Variants in DENND1C observed in about 807,000 individuals in gnomAD.
DENND1C encodes DENN domain containing 1C.
DENND1C carries 64 observed loss-of-function variants against 87.9 expected under a neutral mutation model. The observed-to-expected ratio is 0.73, with a 90% CI of 0.60 to 0.90. DENND1C has a LOEUF of 0.90. Among genes scored for constraint, DENND1C ranks in the 40% least tolerant of loss-of-function variants. DENND1C has a pLI of 0.00. For missense variants in DENND1C, 980 were observed against 1,037.0 expected (o/e 0.95, Z 0.76); for synonymous variants, 384 against 424.4 (o/e 0.90, Z 1.17).
chr19:6,478,106 G>T (rs1039348707), intron 6 of DENND1C, among the ~76,000 whole-genome samples: 1 of 151,964 alleles, frequency 6.6e-6, no homozygotes, highest in Non-Finnish European at 1.5e-5. Flanking sequence ...ACAGGGTCTT[G>T]CTCTGTCCCC....
At chr19:6,474,729 C>T (rs1268268764) in intron 14 of DENND1C, among the ~76,000 whole-genome samples, 1 of 152,008 alleles carries the variant, frequency 6.6e-6, no homozygotes, top group Non-Finnish European at 1.5e-5. Flanking sequence ...AAAGTAAGCA[C>T]TCCATTAATG....
At chr19:6,470,236 T>C in intron 18 of DENND1C, 59 bp downstream of exon 18, 1 of 1,534,386 alleles carries the variant, frequency 6.5e-7, no homozygotes, top group Non-Finnish European at 8.9e-7. Context: ...GGTCAAAGTG[T>C]CCTCTGTCCC....
At chr19:6,469,918 T>C (rs1217041117) in intron 18 of DENND1C, 3 of 500,568 alleles carry the variant, frequency 6.0e-6, no homozygotes, top group African/African-American at 3.8e-5. Flanking sequence ...AAGAACAAAA[T>C]CGCACGGACA....
rs374565278 is a variant in DENND1C, at chr19:6,467,617, G to A, written c.2293C>T (p.Arg765Trp). ...LLAERAHLQPREEPGALNSPA... is the reference protein window; with the variant it reads ...LLAERAHLQPWEEPGALNSPA... ...GAATTCAGGGCTCCTGGTTCCTCCC[G>A]TGGCTGGAGGTGAGCGCGCTCTGCC... Residue 765 changes from arginine (R) to tryptophan (W), a missense_variant, in exon 23 of 23, where the codon CGG becomes TGG. By Grantham distance (101) the Arg-to-Trp change is moderately radical. Coordinates refer to ENST00000381480, the MANE Select transcript of DENND1C (RefSeq NM_024898.4). 6.1e-5 allele frequency: 96 copies of A among 1,568,576 alleles called. No homozygotes were observed. In the African/African-American group the frequency reaches 9.9e-4, roughly 16 times the overall value.
chr19:6,467,416 C>T lies in DENND1C; in HGVS notation c.*88G>A. 7.0e-7 allele frequency: 1 copy of T among 1,429,394 alleles called. No individual in the cohort carries two copies. Among genetic ancestry groups the T allele is most frequent in the Non-Finnish European group, 9.2e-7 (1 of 1,087,372 alleles). The allele number at this position is 1,429,394 out of a possible 1,614,324, so 88.5% of individuals were successfully genotyped here. ...TGGATTTCCGAGCAGAGTGAGGGCA[C>T]CAGAGAAATTCACCAGGAAAAAAAC... On this transcript the variant is annotated 3_prime_UTR_variant, in exon 23 of 23. Coordinates refer to ENST00000381480, the MANE Select transcript of DENND1C (RefSeq NM_024898.4).
At chr19:6,470,690 C>T (rs1284891204) in intron 17 of DENND1C, among the ~76,000 whole-genome samples, 8 of 141,942 alleles carry the variant, frequency 5.6e-5, no homozygotes, top group Non-Finnish European at 7.6e-5. Flanking sequence ...GGTGCCATCT[C>T]GGCTCACTGC....
In DENND1C at chr19:6,470,610, G is replaced by GTTTTT. The variant is rs1555747420; in HGVS notation, c.1291-249_1291-245dup. On this transcript the variant is annotated intron_variant, in intron 17 of 22. Coordinates refer to ENST00000381480, the MANE Select transcript of DENND1C (RefSeq NM_024898.4). ...TTTTGAGATGGAGTCTCAAAGAACA[G>GTTTTT]TTTTTTTTTGTTTTTTTTTTTTTTT... 7.2e-4 allele frequency among the ~76,000 whole-genome samples: 72 copies of GTTTTT among 100,652 alleles called. 3 individuals are homozygous for GTTTTT. The highest frequency in any genetic ancestry group is 9.3e-4 in the Non-Finnish European group (41 of 44,210). 66.0% of individuals were successfully genotyped at this position (100,652 alleles called of 152,430 possible).
chr19:6,468,149 T>G (rs750203088), intron 22 of DENND1C, 31 bp from the exon 23 acceptor site: 1 of 1,610,128 alleles, frequency 6.2e-7, no homozygotes. Flanking sequence ...AGTTGTGGCT[T>G]TTAGATGGCA....
Position 6,480,055 on chromosome 19 carries a change from T to G in DENND1C, c.18-4A>C, listed in dbSNP as rs1568402550. The G allele has an allele frequency of 1.2e-6, 2 of 1,603,908 alleles. No individual in the cohort carries two copies. The highest frequency in any genetic ancestry group is 2.2e-5 in the South Asian group (2 of 89,446). On this transcript the variant is annotated splice_polypyrimidine_tract_variant and splice_region_variant and intron_variant, in intron 1 of 22. Coordinates refer to ENST00000381480, the MANE Select transcript of DENND1C (RefSeq NM_024898.4). ...AAACACAGCAGGGGAGCCCCCTCTG[T>G]GGGATGCAGAAGGGGTCCAGAGACT...
In DENND1C at chr19:6,467,401, A is replaced by G. The variant is rs900136901; in HGVS notation, c.*103T>C. The stretch of plus-strand genomic sequence containing the variant: ...CAGAGGTGGGTGGGATGGATTTCCG[A>G]GCAGAGTGAGGGCACCAGAGAAATT... On this transcript the variant is annotated 3_prime_UTR_variant, in exon 23 of 23. Coordinates refer to ENST00000381480, the MANE Select transcript of DENND1C (RefSeq NM_024898.4). The G allele has an allele frequency of 2.4e-5, 34 of 1,395,602 alleles. No homozygotes were observed. Among genetic ancestry groups the G allele is most frequent in the Non-Finnish European group, 2.3e-5 (24 of 1,065,764 alleles). 86.5% of individuals were successfully genotyped at this position (1,395,602 alleles called of 1,614,324 possible).
rs778763100 is a variant in DENND1C, at chr19:6,469,652, T to G, written c.1363-12A>C. The G allele has an allele frequency of 6.7e-5, 108 of 1,602,344 alleles. No homozygotes were observed. Among genetic ancestry groups the G allele is most frequent in the Non-Finnish European group, 1.1e-5 (13 of 1,174,492 alleles). On this transcript the variant is annotated splice_polypyrimidine_tract_variant and intron_variant, in intron 18 of 22. Transcript: ENST00000381480. ...AAGCCACTCTTGGCCTATAAAGGAG[T>G]GGACAGAGAATTACCCAAGGGTGGT...
chr19:6,472,405 G>A (rs1231321855), intron 15 of DENND1C, among the ~76,000 whole-genome samples: 1 of 152,018 alleles, frequency 6.6e-6, no homozygotes, highest in Non-Finnish European at 1.5e-5. Context: ...GTTTTGTTTT[G>A]TTTGAGACGG....
chr19:6,470,072 G>A (rs1291266359), intron 18 of DENND1C: 4 of 530,980 alleles, frequency 7.5e-6, no homozygotes, highest in Admixed American at 6.7e-5. Flanking sequence ...TGGGCGGGGC[G>A]GAGGGGGGCG....
At chr19:6,478,409 ATTTT>A (rs36008668) in intron 6 of DENND1C, among the ~76,000 whole-genome samples, 2 of 136,134 alleles carry the variant, frequency 1.5e-5, no homozygotes, top group African/African-American at 5.4e-5. Context: ...CGGCCGGCTA[ATTTT>A]TTTTTTTTTT....
intron 10 of DENND1C, 40 bp from the exon 11 acceptor site, chr19:6,475,977 CCT>C: frequency 6.7e-7 from 1 of 1,496,808 alleles, no homozygotes; most frequent in Non-Finnish European, 8.8e-7. Flanking sequence ...GGGCCTGGAC[CCT>C]CTAGCGCGAG....
chr19:6,481,470 A>AG (rs929326134), intron 1 of DENND1C, among the ~76,000 whole-genome samples: 1 of 151,294 alleles, frequency 6.6e-6, no homozygotes, highest in Non-Finnish European at 1.5e-5. Context: ...GGATAGAGAG[A>AG]GAGAGAGAGA....
At chr19:6,479,764 C>T in intron 3 of DENND1C, 46 bp from the exon 4 acceptor site, 2 of 1,613,278 alleles carry the variant, frequency 1.2e-6, no homozygotes, top group Non-Finnish European at 1.7e-6. Context: ...TGAGGTCGGG[C>T]ACCACCTCCC....
At chr19:6,481,294 G>A (rs1033899790) in intron 1 of DENND1C, among the ~76,000 whole-genome samples, 13 of 151,792 alleles carry the variant, frequency 8.6e-5, no homozygotes, top group African/African-American at 2.4e-4. Flanking sequence ...TCACCCTCAC[G>A]CCGACACAAG....
In DENND1C at chr19:6,471,320, G is replaced by C. The variant is rs762698755; in HGVS notation, c.1250-15C>G. The C allele has an allele frequency of 6.3e-7, 1 of 1,597,140 alleles. No individual in the cohort carries two copies. Among genetic ancestry groups the C allele is most frequent in the South Asian group, 1.1e-5 (1 of 88,390 alleles). ...TCGAAGGGCCCCTGGGGTAAGGAGA[G>C]AGTGTGGTGGTCACCGAAGGCTGGC... On this transcript the variant is annotated splice_polypyrimidine_tract_variant and intron_variant, in intron 16 of 22. Transcript: ENST00000381480.
Sources: allele counts gnomAD v4.1 joint callset (sites outside exome capture counted in the v4.1 genomes callset), GRCh38; gene constraint gnomAD v4.1.1; transcripts MANE v1.5; gene names NCBI Gene and HGNC (gene_info 2026-07-23, HGNC 2026-07-21).